Variants in RNF150 observed in about 807,000 individuals in gnomAD.
RNF150 encodes ring finger protein 150.
A neutral mutation model predicts 39.3 loss-of-function variants in RNF150; 24 were observed. The observed-to-expected ratio is 0.61, with a 90% confidence interval of 0.44 to 0.86. RNF150 has a LOEUF of 0.86. Ranked by LOEUF, RNF150 falls within the 40% of genes least tolerant of loss-of-function variation. The pLI, the probability that RNF150 is intolerant of heterozygous loss-of-function variation, is 0.00. For missense variants in RNF150, 502 were observed against 587.8 expected, an observed-to-expected ratio of 0.85 and a Z score of 1.51; for synonymous variants, 255 against 227.3, an observed-to-expected ratio of 1.12 and a Z score of -1.10.
chr4:141,046,349 A>G (rs1736575472), intron 1 of RNF150, among the ~76,000 whole-genome samples: 1 of 152,184 alleles, frequency 6.6e-6, no homozygotes, highest in Non-Finnish European at 1.5e-5. Flanking sequence ...AGTCACATTC[A>G]TGACTGGACT....
At chr4:141,124,817 T>C (rs1172489272) in intron 1 of RNF150, among the ~76,000 whole-genome samples, 1 of 152,210 alleles carries the variant, frequency 6.6e-6, no homozygotes, top group East Asian at 1.9e-4. Context: ...TATGTACTCA[T>C]ATCTGTCTGC....
intron 1 of RNF150, among the ~76,000 whole-genome samples, chr4:141,197,948 A>T (rs899228722): frequency 2.6e-5 from 4 of 152,264 alleles, no homozygotes; most frequent in African/African-American, 9.6e-5. Context: ...GTAAGTGCTT[A>T]GTTAAATATT....
At chr4:140,877,168 A>G (rs1271616032) in intron 6 of RNF150, among the ~76,000 whole-genome samples, 1 of 152,276 alleles carries the variant, frequency 6.6e-6, no homozygotes, top group Non-Finnish European at 1.5e-5. Context: ...CAACTGCTCA[A>G]ATTCCTTACT....
chr4:141,199,014 T>C (rs1728249080), intron 1 of RNF150, among the ~76,000 whole-genome samples: 1 of 152,108 alleles, frequency 6.6e-6, no homozygotes, highest in Admixed American at 6.5e-5. Context: ...CAAAGAAATT[T>C]TGAAACTTAA....
At chr4:140,965,814 T>C (rs192386575) in intron 2 of RNF150, among the ~76,000 whole-genome samples, 1 of 152,168 alleles carries the variant, frequency 6.6e-6, no homozygotes, top group East Asian at 1.9e-4. Context: ...GAATGTATCA[T>C]GAGCAAGTCT....
At chr4:140,999,202 GTTGT>G (rs1386824651) in intron 1 of RNF150, among the ~76,000 whole-genome samples, 1 of 152,180 alleles carries the variant, frequency 6.6e-6, no homozygotes, top group Non-Finnish European at 1.5e-5. Flanking sequence ...GACAACTCCT[GTTGT>G]TATTAAAGGG....
intron 4 of RNF150, among the ~76,000 whole-genome samples, chr4:140,930,536 A>T (rs1257600946): frequency 6.6e-6 from 1 of 152,176 alleles, no homozygotes; most frequent in African/African-American, 2.4e-5. Flanking sequence ...GCATGAACAG[A>T]TATTTATTTA....
intron 6 of RNF150, among the ~76,000 whole-genome samples, chr4:140,893,289 C>T (rs1413098661): frequency 6.6e-6 from 1 of 151,990 alleles, no homozygotes; most frequent in East Asian, 1.9e-4. Flanking sequence ...ATCTCTAATG[C>T]TATAGAAATA....
intron 1 of RNF150, among the ~76,000 whole-genome samples, chr4:141,085,459 G>T (rs552471476): frequency 4.6e-5 from 7 of 152,270 alleles, no homozygotes; most frequent in East Asian, 1.9e-4. Flanking sequence ...CCACATAGAG[G>T]TGCTCCAATC....
intron 1 of RNF150, among the ~76,000 whole-genome samples, chr4:141,005,033 A>G (rs940780219): frequency 2.0e-5 from 3 of 152,184 alleles, no homozygotes; most frequent in Non-Finnish European, 4.4e-5. Context: ...GAGATTAGGA[A>G]GTAAAACTAA....
At chr4:140,869,821 T>G (rs1473683862) in intron 6 of RNF150, among the ~76,000 whole-genome samples, 2 of 152,160 alleles carry the variant, frequency 1.3e-5, no homozygotes, top group African/African-American at 4.8e-5. Context: ...GGGTTTTTAA[T>G]TTGACTGGAA....
At chr4:141,066,263 A>G (rs1737456970) in intron 1 of RNF150, among the ~76,000 whole-genome samples, 1 of 151,834 alleles carries the variant, frequency 6.6e-6, no homozygotes, top group South Asian at 2.1e-4. Context: ...ACCATTCCTC[A>G]GTAATTTTCA....
At chr4:141,179,071 G>T (rs1420181434) in intron 1 of RNF150, among the ~76,000 whole-genome samples, 2 of 152,016 alleles carry the variant, frequency 1.3e-5, no homozygotes, top group African/African-American at 4.8e-5. Context: ...ATATGTAAAT[G>T]TAGAAGAATA....
chr4:140,987,861 C>T (rs1006308600), intron 1 of RNF150, among the ~76,000 whole-genome samples: 2 of 152,160 alleles, frequency 1.3e-5, no homozygotes, highest in Non-Finnish European at 2.9e-5. Context: ...AACTATGCAT[C>T]CAACAAAGGC....
chr4:141,154,040 C>G (rs1341863181), intron 1 of RNF150, among the ~76,000 whole-genome samples: 2 of 152,192 alleles, frequency 1.3e-5, no homozygotes, highest in Non-Finnish European at 2.9e-5. Flanking sequence ...TTATACTTAT[C>G]TCATCAGTTT....
At chr4:140,926,108 A>T in intron 4 of RNF150, 35 bp from the exon 5 acceptor site, 1 of 1,454,716 alleles carries the variant, frequency 6.9e-7, no homozygotes, top group Non-Finnish European at 9.7e-7. Flanking sequence ...GAGCGGCGGT[A>T]ACTGCAGAGA....
At chr4:140,902,782 A>G (rs1166240278) in intron 6 of RNF150, among the ~76,000 whole-genome samples, 1 of 152,200 alleles carries the variant, frequency 6.6e-6, no homozygotes, top group Admixed American at 6.5e-5. Flanking sequence ...TCCCAGAAGG[A>G]GATCAGGCTA....
At chr4:141,078,789 CAA>C (rs150748282) in intron 1 of RNF150, among the ~76,000 whole-genome samples, 899 of 63,642 alleles carry the variant, frequency 0.014, 2 homozygotes, top group Admixed American at 0.019. Flanking sequence ...AACTCCGTCT[CAA>C]AAAAAAAAAA....
intron 6 of RNF150, among the ~76,000 whole-genome samples, chr4:140,886,593 C>G (rs567592399): frequency 3.9e-5 from 6 of 152,216 alleles, no homozygotes; most frequent in African/African-American, 1.4e-4. Flanking sequence ...TTTTCATTTT[C>G]TTAAAGATGT....
Sources: allele counts gnomAD v4.1 joint callset (sites outside exome capture counted in the v4.1 genomes callset), GRCh38; gene constraint gnomAD v4.1.1; transcripts MANE v1.5; gene names NCBI Gene and HGNC (gene_info 2026-07-23, HGNC 2026-07-21).